The following PTPRG variants were observed in gnomAD, a reference collection of about 807,000 sequenced individuals.
The protein encoded by PTPRG is receptor-type tyrosine-protein phosphatase gamma.
A neutral mutation model predicts 165.3 loss-of-function variants in PTPRG; 102 were observed. That is an observed-to-expected ratio of 0.62 (90% CI 0.53 to 0.73). The LOEUF (loss-of-function observed/expected upper bound fraction) is 0.73. Among genes scored for constraint, PTPRG ranks in the 30% least tolerant of loss-of-function variants. PTPRG has a pLI of 0.00. For synonymous variants in PTPRG, 675 were observed against 669.5 expected (o/e 1.01, Z -0.13); for missense variants, 1,866 against 1,861.4 (o/e 1.00, Z -0.05).
intron 2 of PTPRG, among the ~76,000 whole-genome samples, chr3:61,844,002 C>T (rs1163542709): frequency 1.0e-4 from 15 of 145,460 alleles, no homozygotes; most frequent in African/African-American, 3.6e-4. Context: ...CTCATTCTGT[C>T]GCCCAGGCTG....
At chr3:61,732,526 G>A (rs1041364493) in intron 1 of PTPRG, among the ~76,000 whole-genome samples, 4 of 145,624 alleles carry the variant, frequency 2.7e-5, no homozygotes, top group Non-Finnish European at 4.5e-5. Flanking sequence ...GCACTAACAC[G>A]GTGAAACCCC....
At chr3:61,596,442 TTTG>T (rs34957174) in intron 1 of PTPRG, among the ~76,000 whole-genome samples, 12 of 151,678 alleles carry the variant, frequency 7.9e-5, no homozygotes, top group South Asian at 6.3e-4. Flanking sequence ...TTCGGATGGA[TTTG>T]TTGTTGTTGT....
At chr3:61,928,329 A>C (rs181740896) in intron 2 of PTPRG, among the ~76,000 whole-genome samples, 1 of 152,368 alleles carries the variant, frequency 6.6e-6, no homozygotes, top group Admixed American at 6.5e-5. Context: ...TTAACCACAC[A>C]GACCTTAGAA....
rs1559537079 is a variant in PTPRG at position 61,643,277 on chromosome 3, A to AGAGAGAG, written c.85+80905_85+80906insGAGAGAG. Among the ~76,000 whole-genome samples the AGAGAGAG allele has an allele frequency of 5.2e-3, 786 of 149,812 alleles. 17 individuals are homozygous for AGAGAGAG. Among genetic ancestry groups the AGAGAGAG allele is most frequent in the East Asian group, 0.035 (180 of 5,092 alleles). On this transcript the variant is annotated intron_variant, in intron 1 of 29. Transcript: ENST00000474889. ...CCATCTGGGGAGAGAGAGAGAGAGA[A>AGAGAGAG]AGAGAGAGAGAGAGAGACAGAGACA...
intron 5 of PTPRG, among the ~76,000 whole-genome samples, chr3:62,132,161 G>A (rs905637887): frequency 7.0e-4 from 106 of 152,238 alleles, no homozygotes; most frequent in African/African-American, 2.5e-3. Context: ...TCCTTACGAA[G>A]GAGAATAGGC....
At chr3:62,157,000 C>G (rs1704561729) in intron 6 of PTPRG, 67 bp from the exon 7 acceptor site, 2 of 1,416,362 alleles carry the variant, frequency 1.4e-6, no homozygotes, top group Non-Finnish European at 2.0e-6. Flanking sequence ...AGGGTGTTGA[C>G]TGTGTCTGCG....
chr3:61,579,626 A>T lies in PTPRG; in HGVS notation c.85+17254A>T, dbSNP rs116639475. Among the ~76,000 whole-genome samples, 704 of 152,288 alleles carry T rather than the reference A, an allele frequency of 4.6e-3. 5 individuals carry two copies. Among genetic ancestry groups the T allele is most frequent in the African/African-American group, 0.016 (653 of 41,564 alleles). ...GAAAGCGGCGAAAGCCAGGCTTCTGACTCCAAAGCCAGTGCTCTTCTTTCT... is the reference window on the plus strand; with the variant it reads ...GAAAGCGGCGAAAGCCAGGCTTCTGTCTCCAAAGCCAGTGCTCTTCTTTCT... On this transcript the variant is annotated intron_variant, in intron 1 of 29. Coordinates refer to ENST00000474889, the MANE Select transcript of PTPRG (RefSeq NM_002841.4).
intron 3 of PTPRG, among the ~76,000 whole-genome samples, chr3:61,996,030 T>G (rs2041033125): frequency 6.6e-6 from 1 of 152,162 alleles, no homozygotes; most frequent in Non-Finnish European, 1.5e-5. Flanking sequence ...TTTTCACTCC[T>G]TGCTCCTAGC....
At chr3:61,898,054 C>T (rs1405000354) in intron 2 of PTPRG, among the ~76,000 whole-genome samples, 2 of 151,942 alleles carry the variant, frequency 1.3e-5, no homozygotes, top group Non-Finnish European at 2.9e-5. Context: ...TCTTTTATGC[C>T]TTATTTTAGT....
At chr3:62,156,541 A>G (rs1044335927) in intron 6 of PTPRG, among the ~76,000 whole-genome samples, 7 of 152,216 alleles carry the variant, frequency 4.6e-5, no homozygotes, top group Non-Finnish European at 7.3e-5. Context: ...GGGTGAAACC[A>G]TAATGAAATG....
chr3:62,227,089 C>T (rs570016750), intron 13 of PTPRG, among the ~76,000 whole-genome samples: 2 of 152,046 alleles, frequency 1.3e-5, no homozygotes, highest in Non-Finnish European at 2.9e-5. Flanking sequence ...CAGATGCATG[C>T]GAGAGTCGAG....
At chr3:62,152,058 A>G (rs1322068215) in intron 6 of PTPRG, among the ~76,000 whole-genome samples, 2 of 152,160 alleles carry the variant, frequency 1.3e-5, no homozygotes, top group African/African-American at 2.4e-5. Context: ...CCATTTTATA[A>G]TATCTACATT....
At chr3:62,124,277 C>T in intron 5 of PTPRG, 3 of 1,527,338 alleles carry the variant, frequency 2.0e-6, no homozygotes, top group Non-Finnish European at 2.7e-6. Flanking sequence ...GGACAGGATG[C>T]TGATGTCCGT....
At chr3:61,567,444 G>A (rs1163777990) in intron 1 of PTPRG, among the ~76,000 whole-genome samples, 25 of 152,094 alleles carry the variant, frequency 1.6e-4, no homozygotes, top group Admixed American at 1.6e-3. Flanking sequence ...TTGGGAGGCG[G>A]GAGGGTCACT....
intron 1 of PTPRG, among the ~76,000 whole-genome samples, chr3:61,741,679 T>A (rs1376263151): frequency 2.0e-5 from 3 of 152,190 alleles, no homozygotes; most frequent in African/African-American, 7.2e-5. Context: ...CTTTTCCCTG[T>A]AGGAGATAAT....
At chr3:61,890,387 G>A (rs1421294590) in intron 2 of PTPRG, among the ~76,000 whole-genome samples, 1 of 146,198 alleles carries the variant, frequency 6.8e-6, no homozygotes, top group African/African-American at 2.6e-5. Context: ...GTATTTATGG[G>A]TTTTGGGCGG....
intron 1 of PTPRG, among the ~76,000 whole-genome samples, chr3:61,657,099 A>G (rs571546274): frequency 1.3e-5 from 2 of 152,294 alleles, no homozygotes; most frequent in African/African-American, 4.8e-5. Flanking sequence ...GGAAAACTGT[A>G]TTTTTATGGA....
At chr3:61,822,520 A>G (rs2035984314) in intron 2 of PTPRG, among the ~76,000 whole-genome samples, 1 of 152,228 alleles carries the variant, frequency 6.6e-6, no homozygotes, top group South Asian at 2.1e-4. Flanking sequence ...TAGAAAAGGA[A>G]AGAAAAAAAA....
chr3:62,090,346 T>A (rs1301799101), intron 5 of PTPRG, among the ~76,000 whole-genome samples: 1 of 152,234 alleles, frequency 6.6e-6, no homozygotes, highest in Admixed American at 6.5e-5. Context: ...AGTTTTTTTT[T>A]AAACTGAACC....
Sources: gnomAD v4.1 joint callset for allele counts (sites outside exome capture counted in the v4.1 genomes callset) on GRCh38, gnomAD v4.1.1 for gene constraint, MANE v1.5 for transcripts, NCBI Gene and HGNC (gene_info 2026-07-23, HGNC 2026-07-21) for gene names.